PIK3C3: variants seen among roughly 807,000 people sequenced by gnomAD.
The protein encoded by PIK3C3 is PI3-kinase type 3.
Under a neutral mutation model 126.1 loss-of-function variants are expected in PIK3C3, and 95 were observed. The ratio of observed to expected loss-of-function variants is 0.75; its 90% CI spans 0.64 to 0.89. PIK3C3 has a LOEUF of 0.89. Ranked by LOEUF, PIK3C3 falls within the 40% of genes least tolerant of loss-of-function variation. PIK3C3 has a pLI of 0.00. For missense variants in PIK3C3, 829 were observed against 1,063.2 expected, an observed-to-expected ratio of 0.78 and a Z score of 3.06; for synonymous variants, 374 against 360.0, an observed-to-expected ratio of 1.04 and a Z score of -0.44.
At chr18:42,061,126 G>A (rs1985295773) in intron 22 of PIK3C3, among the ~76,000 whole-genome samples, 1 of 152,200 alleles carries the variant, frequency 6.6e-6, no homozygotes, top group Non-Finnish European at 1.5e-5. Flanking sequence ...ATGAACGTGG[G>A]TAAGAGAAAG....
intron 12 of PIK3C3, among the ~76,000 whole-genome samples, chr18:42,017,849 T>C (rs1983144545): frequency 6.6e-6 from 1 of 152,022 alleles, no homozygotes; most frequent in African/African-American, 2.4e-5. Flanking sequence ...GTAAATATCA[T>C]GTAGCTAAAT....
intron 3 of PIK3C3, among the ~76,000 whole-genome samples, chr18:41,965,383 T>A (rs543886189): frequency 6.6e-6 from 1 of 152,338 alleles, no homozygotes; most frequent in Admixed American, 6.5e-5. Flanking sequence ...ACAGATGCAG[T>A]GAAATGAACT....
intron 21 of PIK3C3, among the ~76,000 whole-genome samples, chr18:42,056,160 C>A (rs189173086): frequency 6.6e-6 from 1 of 151,916 alleles, no homozygotes; most frequent in African/African-American, 2.4e-5. Context: ...AAAAAACATT[C>A]CCTTCAGTAT....
At chr18:41,987,955 AT>A (rs1250921337) in intron 5 of PIK3C3, 57 bp downstream of exon 5, 2 of 1,036,016 alleles carry the variant, frequency 1.9e-6, no homozygotes, top group East Asian at 5.4e-5. Context: ...TAAATTAACA[AT>A]TTTTTGATAA....
At chr18:42,078,993 A>G (rs952052629) in intron 24 of PIK3C3, among the ~76,000 whole-genome samples, 1 of 152,226 alleles carries the variant, frequency 6.6e-6, no homozygotes, top group East Asian at 1.9e-4. Context: ...CATATCAGCA[A>G]TAAAGCTGTT....
chr18:41,974,461 T>A (rs1455213920), intron 4 of PIK3C3, among the ~76,000 whole-genome samples: 1 of 152,144 alleles, frequency 6.6e-6, no homozygotes, highest in Non-Finnish European at 1.5e-5. Context: ...AACATAATCA[T>A]TTTCCTTAAT....
In PIK3C3 at chr18:42,022,632, A is replaced by AT. The variant is rs1002957347; in HGVS notation, c.1484+1936dup. Reference sequence around the variant, plus strand: ...TTTCCCCCCTTTGGAACCTGTGTTTATTTTTTTTTGGTTGTGTTTGTTTTT... The same window carrying AT: ...TTTCCCCCCTTTGGAACCTGTGTTTATTTTTTTTTTGGTTGTGTTTGTTTTT... On this transcript the variant is annotated intron_variant, in intron 13 of 24. Coordinates refer to ENST00000262039, the MANE Select transcript of PIK3C3 (RefSeq NM_002647.4). Among the ~76,000 whole-genome samples, 305 of 150,754 alleles carry AT rather than the reference A, an allele frequency of 2.0e-3. 1 individual carries two copies. Among genetic ancestry groups the AT allele is most frequent in the African/African-American group, 7.0e-3 (288 of 41,162 alleles).
At chr18:42,018,239 A>T (rs117160367) in intron 12 of PIK3C3, among the ~76,000 whole-genome samples, 1 of 152,036 alleles carries the variant, frequency 6.6e-6, no homozygotes, top group Admixed American at 6.6e-5. Flanking sequence ...TTAAAACCTT[A>T]AAGTATTGCT....
chr18:41,956,958 G>A (rs1296859539), intron 1 of PIK3C3, among the ~76,000 whole-genome samples: 4 of 152,112 alleles, frequency 2.6e-5, no homozygotes, highest in Non-Finnish European at 5.9e-5. Flanking sequence ...CTCTGTGATA[G>A]TATCCTGTGC....
intron 24 of PIK3C3, among the ~76,000 whole-genome samples, chr18:42,072,334 T>A (rs556334524): frequency 6.6e-6 from 1 of 152,066 alleles, no homozygotes; most frequent in South Asian, 2.1e-4. Flanking sequence ...AGACTAAGAG[T>A]TACTAGATAC....
chr18:42,029,466 T>C (rs776615384), intron 15 of PIK3C3, 25 bp downstream of exon 15: 1 of 1,271,492 alleles, frequency 7.9e-7, no homozygotes, highest in African/African-American at 1.5e-5. Context: ...TATGCTTTTG[T>C]TCCTAATAGC....
At chr18:42,011,318 G>A (rs1203175066) in intron 10 of PIK3C3, among the ~76,000 whole-genome samples, 2 of 152,128 alleles carry the variant, frequency 1.3e-5, no homozygotes, top group African/African-American at 2.4e-5. Context: ...GAAACTTTGT[G>A]GTGTAGTATA....
chr18:41,969,858 G>A (rs563264276), intron 3 of PIK3C3, among the ~76,000 whole-genome samples: 1 of 152,348 alleles, frequency 6.6e-6, no homozygotes, highest in African/African-American at 2.4e-5. Flanking sequence ...CCTAGGTTAT[G>A]TGGGTAATAG....
chr18:42,029,229 CTG>C (rs1236446615), intron 14 of PIK3C3, 94 bp from the exon 15 acceptor site: 13 of 752,560 alleles, frequency 1.7e-5, no homozygotes, highest in Admixed American at 5.5e-5. Context: ...AAGTTTATAA[CTG>C]TGAGAAATAT....
At position 42,004,392 on chromosome 18, in the gene PIK3C3, C is replaced by G. The variant is rs756167773; in HGVS notation, c.1021C>G (p.Leu341Val). The G allele has an allele frequency of 1.6e-5, 25 of 1,612,224 alleles. No homozygotes were observed. The highest frequency in any genetic ancestry group is 2.0e-5 in the Non-Finnish European group (24 of 1,179,444). Reference protein sequence around the residue: ...TKFLKCVNWDLPQEAKQALEL... With the variant: ...TKFLKCVNWDVPQEAKQALEL... ...ATTCTTGAAATGTGTTAATTGGGAT[C>G]TACCTCAAGAGGCCAAACAGGCCTT... The change falls in exon 10 of 25, where the codon CTA (leucine) becomes GTA (valine). Residue 341 changes from leucine (L) to valine (V), a missense_variant. Leu to Val is a conservative substitution (Grantham distance 32). Around this residue, in one of 4 missense-constraint regions of PIK3C3, gnomAD observed 64 missense variants for 118.7 expected, o/e 0.54. Coordinates refer to ENST00000262039, the MANE Select transcript of PIK3C3 (RefSeq NM_002647.4).
intron 13 of PIK3C3, among the ~76,000 whole-genome samples, chr18:42,022,748 C>T (rs1021784687): frequency 5.3e-5 from 8 of 152,006 alleles, no homozygotes; most frequent in Admixed American, 2.0e-4. Context: ...ATTTTCCTCA[C>T]GTTAAATTTC....
chr18:41,990,699 A>C, intron 6 of PIK3C3, 145 bp downstream of exon 6: 1 of 573,576 alleles, frequency 1.7e-6, no homozygotes, highest in South Asian at 2.3e-5. Context: ...TGTATACAGA[A>C]ATCAAATCAT....
In PIK3C3 at chr18:41,971,885, A is replaced by G. The variant is rs74463731; in HGVS notation, c.531+1429A>G. On this transcript the variant is annotated intron_variant, in intron 4 of 24. Transcript: ENST00000262039. ...AGAGTCAAGAAATATAAAGCTTTATAGTTGCACAGTGTAACTACATTGTTT... is the reference window on the plus strand; with the variant it reads ...AGAGTCAAGAAATATAAAGCTTTATGGTTGCACAGTGTAACTACATTGTTT... Among the ~76,000 whole-genome samples, 650 of 152,214 alleles carry G rather than the reference A, an allele frequency of 4.3e-3. 11 individuals carry two copies. The highest frequency in any genetic ancestry group is 0.015 in the African/African-American group (606 of 41,574).
At chr18:41,980,937 A>C (rs957882672) in intron 4 of PIK3C3, among the ~76,000 whole-genome samples, 1 of 152,150 alleles carries the variant, frequency 6.6e-6, no homozygotes, top group South Asian at 2.1e-4. Context: ...TCTTCCTCGA[A>C]TGTTTTGTAA....
Sources: allele counts gnomAD v4.1 joint callset (sites outside exome capture counted in the v4.1 genomes callset), GRCh38; gene constraint gnomAD v4.1.1; regional missense constraint gnomAD v4.1.1; transcripts MANE v1.5; gene names NCBI Gene and HGNC (gene_info 2026-07-23, HGNC 2026-07-21).